ENTPD1: variants seen among roughly 807,000 people sequenced by gnomAD.
ENTPD1 encodes ATP diphosphohydrolase.
ENTPD1 carries 33 observed loss-of-function variants against 57.0 expected under a neutral mutation model. The ratio of observed to expected loss-of-function variants is 0.58; its 90% CI spans 0.44 to 0.77. ENTPD1 has a LOEUF of 0.77. Among genes scored for constraint, ENTPD1 ranks in the 30% least tolerant of loss-of-function variants. ENTPD1 has a pLI of 0.00. For missense variants in ENTPD1, 501 were observed against 603.4 expected, an observed-to-expected ratio of 0.83 and a Z score of 1.78; for synonymous variants, 202 against 218.8, an observed-to-expected ratio of 0.92 and a Z score of 0.68.
upstream of ENTPD1, among the ~76,000 whole-genome samples, chr10:95,711,580 A>G (rs2097965608): frequency 6.6e-6 from 1 of 152,174 alleles, no homozygotes; most frequent in Non-Finnish European, 1.5e-5. Flanking sequence ...CAGCTCATGC[A>G]GCCTCAAACT....
intron 7 of ENTPD1, among the ~76,000 whole-genome samples, chr10:95,853,890 T>C (rs2098449795): frequency 6.6e-6 from 1 of 152,164 alleles, no homozygotes; most frequent in Admixed American, 6.5e-5. Context: ...GGTCTAAAAT[T>C]CTCTTTTTTT....
Position 95,767,469 on chromosome 10 carries a change from T to G in ENTPD1, c.16+11214T>G, listed in dbSNP as rs11188477. Among the ~76,000 whole-genome samples the G allele has an allele frequency of 2.0e-5, 3 of 152,122 alleles. No individual in the cohort carries two copies. In the East Asian group the frequency reaches 5.8e-4, roughly 29 times the overall value. On this transcript the variant is annotated intron_variant, in intron 1 of 9. Coordinates refer to ENST00000371205, the MANE Select transcript of ENTPD1 (RefSeq NM_001776.6). ...CCCTGTGTCCTCCTTTTTCTTATTT[T>G]AAATATTTAATTTGATAATATTATA... is the stretch of plus-strand genomic sequence containing the variant.
rs148728390 is a variant in ENTPD1, at chr10:95,826,301, G to A, written c.144+2937G>A. ...GGGTAGTCCAGGCAGGGCCGAGCAC[G>A]GTGGCTCATGCCTGTAATCGAAGCA... is the stretch of plus-strand genomic sequence containing the variant. On this transcript the variant is annotated intron_variant, in intron 2 of 9. Coordinates refer to ENST00000371205, the MANE Select transcript of ENTPD1 (RefSeq NM_001776.6). Among the ~76,000 whole-genome samples the A allele has an allele frequency of 1.0e-3, 155 of 152,234 alleles. 3 individuals carry two copies. In the East Asian group the frequency reaches 0.022, roughly 21 times the overall value.
chr10:95,843,294 G>A (rs574974727), intron 4 of ENTPD1: 2 of 152,394 alleles, frequency 1.3e-5, no homozygotes, highest in South Asian at 4.1e-4. Flanking sequence ...TCTACCGGAT[G>A]TGCAAAGGTA....
intron 1 of ENTPD1, among the ~76,000 whole-genome samples, chr10:95,799,090 TAAG>T (rs2140319467): frequency 6.6e-6 from 1 of 152,318 alleles, no homozygotes; most frequent in South Asian, 2.1e-4. Context: ...ACCAAACACA[TAAG>T]AGATGGATGT....
intron 1 of ENTPD1, among the ~76,000 whole-genome samples, chr10:95,786,808 AT>A (rs2098181762): frequency 6.6e-6 from 1 of 152,216 alleles, no homozygotes; most frequent in African/African-American, 2.4e-5. Context: ...AGTGTTGCAC[AT>A]TTAGATATTT....
chr10:95,734,002 A>G (rs1029203091), intron 1 of ENTPD1, among the ~76,000 whole-genome samples: 2 of 152,186 alleles, frequency 1.3e-5, no homozygotes, highest in African/African-American at 4.8e-5. Context: ...TTCTGTGGTC[A>G]TGTCCTGCTG....
intron 1 of ENTPD1, among the ~76,000 whole-genome samples, chr10:95,809,365 G>A (rs1443441684): frequency 3.3e-5 from 5 of 149,500 alleles, no homozygotes; most frequent in African/African-American, 7.4e-5. Context: ...CCCCCAAGAC[G>A]GGGCGGCCGG....
intron 1 of ENTPD1, among the ~76,000 whole-genome samples, chr10:95,810,386 G>A (rs1487486343): frequency 6.7e-6 from 1 of 149,394 alleles, no homozygotes; most frequent in Non-Finnish European, 1.5e-5. Flanking sequence ...GCCGGGCAGA[G>A]GTGCTCCTCA....
chr10:95,876,534 T>C lies in ENTPD1; in HGVS notation c.*10151T>C, dbSNP rs2098485977. On this transcript the variant is annotated 3_prime_UTR_variant, in exon 10 of 10. Transcript: ENST00000371205. ...GATTTTTACCTTTGCAATAGTCAAC[T>C]GAACCATCTTCTTGGAGTACTCATG... 2 of 1,231,268 alleles carry C rather than the reference T, an allele frequency of 1.6e-6. No homozygotes were observed. The highest frequency in any genetic ancestry group is 1.0e-6 in the Non-Finnish European group (1 of 987,760). The allele number at this position is 1,231,268 out of a possible 1,614,324, so 76.3% of individuals were successfully genotyped here.
chr10:95,806,052 G>A (rs1423118853), intron 1 of ENTPD1, among the ~76,000 whole-genome samples: 2 of 152,196 alleles, frequency 1.3e-5, no homozygotes, highest in Admixed American at 6.5e-5. Flanking sequence ...TGCTAGGTTG[G>A]GGAAGTTCTC....
exon 1 of ENTPD1, chr10:95,711,780 T>G: frequency 1.3e-6 from 1 of 785,032 alleles, no homozygotes; most frequent in Non-Finnish European, 2.1e-6. Context: ...CAGTCTCCTG[T>G]GTACGTGTAA....
chr10:95,772,641 G>A (rs2098119501), intron 1 of ENTPD1, among the ~76,000 whole-genome samples: 1 of 151,996 alleles, frequency 6.6e-6, no homozygotes, highest in Non-Finnish European at 1.5e-5. Flanking sequence ...CTGAAGTCTT[G>A]AGCCCCTCCA....
intron 2 of ENTPD1, among the ~76,000 whole-genome samples, chr10:95,827,242 AG>A (rs1291211054): frequency 6.6e-6 from 1 of 152,082 alleles, no homozygotes; most frequent in Non-Finnish European, 1.5e-5. Flanking sequence ...TCACGAGGTC[AG>A]GAGTTCAAGA....
intron 1 of ENTPD1, among the ~76,000 whole-genome samples, chr10:95,722,061 G>C (rs954066694): frequency 6.6e-6 from 1 of 152,146 alleles, no homozygotes; most frequent in Non-Finnish European, 1.5e-5. Context: ...GTGTCAGAGA[G>C]GGTGTAGGTA....
intron 1 of ENTPD1, among the ~76,000 whole-genome samples, chr10:95,816,209 A>G (rs549735804): frequency 6.6e-6 from 1 of 152,298 alleles, no homozygotes; most frequent in Admixed American, 6.5e-5. Context: ...CTGCCAAATT[A>G]TCATTTTTAG....
At chr10:95,828,708 C>CTTT (rs2098386461) in intron 2 of ENTPD1, among the ~76,000 whole-genome samples, 1 of 128,778 alleles carries the variant, frequency 7.8e-6, no homozygotes. Context: ...AGGTTATCCC[C>CTTT]ATTTTTTTTT....
chr10:95,827,305 A>G (rs2098380686), intron 2 of ENTPD1, among the ~76,000 whole-genome samples: 1 of 151,962 alleles, frequency 6.6e-6, no homozygotes, highest in African/African-American at 2.4e-5. Context: ...TACAAAAAAA[A>G]TTAGCCGGGC....
intron 4 of ENTPD1, among the ~76,000 whole-genome samples, chr10:95,842,829 G>A (rs2098425427): frequency 6.6e-6 from 1 of 152,138 alleles, no homozygotes; most frequent in East Asian, 1.9e-4. Context: ...GGAGGAAGAG[G>A]ATAAGAGGAG....
Sources: gnomAD v4.1 joint callset for allele counts (sites outside exome capture counted in the v4.1 genomes callset) on GRCh38, gnomAD v4.1.1 for gene constraint, MANE v1.5 for transcripts, NCBI Gene and HGNC (gene_info 2026-07-23, HGNC 2026-07-21) for gene names.